Variants in NAALADL2 observed in about 807,000 individuals in gnomAD.
The protein encoded by NAALADL2 is N-acetylated alpha-linked acidic dipeptidase like 2.
A neutral mutation model predicts 87.2 loss-of-function variants in NAALADL2; 76 were observed. The ratio of observed to expected loss-of-function variants is 0.87; its 90% CI spans 0.72 to 1.05. The LOEUF (loss-of-function observed/expected upper bound fraction) is 1.05. Among genes scored for constraint, NAALADL2 ranks in the 50% least tolerant of loss-of-function variants. The probability of loss-of-function intolerance (pLI) is 0.00; values close to 1 mark genes in which losing one functional copy is unlikely to be tolerated. For synonymous variants in NAALADL2, 354 were observed against 331.0 expected (o/e 1.07, Z -0.75); for missense variants, 1,089 against 945.8 (o/e 1.15, Z -1.99).
intron 1 of NAALADL2, among the ~76,000 whole-genome samples, chr3:174,921,360 T>A (rs1447434588): frequency 6.6e-6 from 1 of 152,230 alleles, no homozygotes; most frequent in African/African-American, 2.4e-5. Flanking sequence ...TTTTTGTTAT[T>A]TTTTATTTTA....
chr3:174,922,338 A>AT (rs1735359134), intron 1 of NAALADL2, among the ~76,000 whole-genome samples: 1 of 150,468 alleles, frequency 6.6e-6, no homozygotes, highest in East Asian at 1.9e-4. Flanking sequence ...ATTGTCTATG[A>AT]TTTTTTTAAA....
chr3:175,164,487 T>A (rs62283042), intron 2 of NAALADL2, among the ~76,000 whole-genome samples: 1,855 of 152,164 alleles, frequency 0.012, 51 homozygotes, highest in Admixed American at 0.064. Flanking sequence ...TTTTAAAAGG[T>A]AAAAGTATCG....
intron 2 of NAALADL2, among the ~76,000 whole-genome samples, chr3:174,563,870 C>T (rs1271327830): frequency 1.3e-5 from 2 of 152,054 alleles, no homozygotes; most frequent in African/African-American, 2.4e-5. Context: ...TGACAAAACC[C>T]GTCGTAAGAG....
intron 11 of NAALADL2, among the ~76,000 whole-genome samples, chr3:175,628,003 T>A (rs570181094): frequency 1.3e-5 from 2 of 151,760 alleles, no homozygotes; most frequent in African/African-American, 4.8e-5. Context: ...AAGACCGCAT[T>A]GATAGTAAGA....
At chr3:174,611,313 A>C (rs1719848501) in intron 2 of NAALADL2, among the ~76,000 whole-genome samples, 1 of 152,068 alleles carries the variant, frequency 6.6e-6, no homozygotes, top group Admixed American at 6.6e-5. Context: ...CTTAAAGTAT[A>C]ATAATAATAA....
rs563387666 is a variant in NAALADL2, at chr3:174,838,719, A to C, written c.-9+100973A>C. The stretch of plus-strand genomic sequence containing the variant: ...CCAATAGCGACCAATTGGAGAATCA[A>C]ATCAAGAACTCAACACATTTTACAA... On this transcript the variant is annotated intron_variant, in intron 3 of 3. Coordinates refer to the NAALADL2 transcript ENST00000434257. Among the ~76,000 whole-genome samples the C allele has an allele frequency of 3.3e-5, 5 of 152,328 alleles. No individual in the cohort carries two copies. The East Asian group carries it at 9.6e-4, about 29-fold the overall frequency.
chr3:175,520,488 CG>C, intron 9 of NAALADL2, among the ~76,000 whole-genome samples: 1 of 151,244 alleles, frequency 6.6e-6, no homozygotes, highest in East Asian at 2.0e-4. Flanking sequence ...TTAGTAGAGA[CG>C]GGGTTTCACC....
intron 1 of NAALADL2, among the ~76,000 whole-genome samples, chr3:174,528,476 A>C (rs1203398168): frequency 6.6e-6 from 1 of 152,170 alleles, no homozygotes; most frequent in Non-Finnish European, 1.5e-5. Flanking sequence ...GTAAAAATAC[A>C]AAAAACTTGG....
intron 2 of NAALADL2, among the ~76,000 whole-genome samples, chr3:174,734,530 T>C (rs897478511): frequency 1.3e-5 from 2 of 152,134 alleles, no homozygotes; most frequent in African/African-American, 4.8e-5. Flanking sequence ...AGAGAGAGTG[T>C]GCAAACTCTC....
At chr3:174,635,725 A>T (rs569319231) in intron 2 of NAALADL2, among the ~76,000 whole-genome samples, 76 of 149,216 alleles carry the variant, frequency 5.1e-4, no homozygotes, top group Non-Finnish European at 8.3e-4. Flanking sequence ...ATGGTCTGGA[A>T]CTCCTGATCT....
intron 5 of NAALADL2, among the ~76,000 whole-genome samples, chr3:175,376,812 T>C (rs1767182395): frequency 6.6e-6 from 1 of 152,184 alleles, no homozygotes; most frequent in South Asian, 2.1e-4. Context: ...GCCTTTCTTT[T>C]TATTTTACCA....
intron 9 of NAALADL2, among the ~76,000 whole-genome samples, chr3:175,493,442 C>A (rs564002095): frequency 2.5e-4 from 38 of 152,176 alleles, no homozygotes; most frequent in Non-Finnish European, 3.8e-4. Context: ...GTAAAACATT[C>A]ATCTCTTACA....
chr3:175,227,912 G>A (rs533075414), intron 2 of NAALADL2, among the ~76,000 whole-genome samples: 1 of 151,810 alleles, frequency 6.6e-6, no homozygotes, highest in East Asian at 1.9e-4. Context: ...AATTTTAAAC[G>A]GCATCAGAAT....
chr3:174,511,701 T>G (rs554079796), intron 1 of NAALADL2, among the ~76,000 whole-genome samples: 1 of 151,942 alleles, frequency 6.6e-6, no homozygotes, highest in Non-Finnish European at 1.5e-5. Flanking sequence ...GTTTTCTATT[T>G]CTCTTATCTG....
intron 1 of NAALADL2, among the ~76,000 whole-genome samples, chr3:174,448,222 C>T (rs1399531849): frequency 6.6e-6 from 1 of 152,186 alleles, no homozygotes; most frequent in African/African-American, 2.4e-5. Flanking sequence ...CCACTGGCTA[C>T]ATCTTCCTAA....
intron 2 of NAALADL2, among the ~76,000 whole-genome samples, chr3:174,612,463 A>G (rs984901907): frequency 3.3e-5 from 5 of 152,092 alleles, no homozygotes; most frequent in African/African-American, 1.2e-4. Flanking sequence ...TCCTGTATGC[A>G]TGATTCATTC....
chr3:175,388,131 A>C (rs1027872192), intron 5 of NAALADL2, among the ~76,000 whole-genome samples: 2 of 152,130 alleles, frequency 1.3e-5, no homozygotes, highest in African/African-American at 4.8e-5. Context: ...AAAGTCAAGA[A>C]TCAGTGCAAT....
At chr3:175,084,539 A>G (rs1402763646) in intron 1 of NAALADL2, among the ~76,000 whole-genome samples, 8 of 152,244 alleles carry the variant, frequency 5.3e-5, no homozygotes, top group Non-Finnish European at 8.8e-5. Context: ...TACAGTCTGC[A>G]TAAGACACCT....
chr3:175,524,794 A>C (rs1168644086), intron 9 of NAALADL2, among the ~76,000 whole-genome samples: 2 of 152,200 alleles, frequency 1.3e-5, no homozygotes, highest in African/African-American at 4.8e-5. Context: ...TAGCTTGTTA[A>C]CAAGTGAGAC....
Sources: allele counts gnomAD v4.1 joint callset (sites outside exome capture counted in the v4.1 genomes callset), GRCh38; gene constraint gnomAD v4.1.1; transcripts MANE v1.5; gene names NCBI Gene and HGNC (gene_info 2026-07-23, HGNC 2026-07-21).